TTN: variants seen among roughly 807,000 people sequenced by gnomAD.
TTN encodes connectin.
A neutral mutation model predicts 3,223.0 loss-of-function variants in TTN; 1,525 were observed. The ratio of observed to expected loss-of-function variants is 0.47; its 90% CI spans 0.45 to 0.49. The LOEUF (loss-of-function observed/expected upper bound fraction) is 0.49, where lower values mean the gene tolerates loss of function less well. Among genes scored for constraint, TTN ranks in the 20% least tolerant of loss-of-function variants. The probability of loss-of-function intolerance (pLI) is 0.00; values close to 1 mark genes in which losing one functional copy is unlikely to be tolerated. For synonymous variants in TTN, 14,094 were observed against 15,161.0 expected, an observed-to-expected ratio of 0.93 and a Z score of 5.17; for missense variants, 40,786 against 43,424.0, an observed-to-expected ratio of 0.94 and a Z score of 5.40.
Position 178,539,633 on chromosome 2 carries a change from C to A in TTN, c.98432G>T (p.Arg32811Leu). The change falls in exon 352 of 363, where the codon CGC becomes CTC. Residue 32811 changes from arginine (R) to leucine (L), a missense_variant. Arg to Leu is a moderately radical substitution (Grantham distance 102, BLOSUM62 -2). Transcript: ENST00000589042. ...AGGTCTCCAGCTGACCCTCACAGAG[C>A]GGACTTGGATGTCATCATATTCCAG... ...GPLEYDDIQV[R>L]SVRVSWRPPA... The A allele has an allele frequency of 1.2e-6, 2 of 1,613,720 alleles. No individual in the cohort carries two copies. The highest frequency in any genetic ancestry group is 2.2e-5 in the South Asian group (2 of 91,080).
At position 178,621,963 on chromosome 2, in the gene TTN, AT is replaced by A; in HGVS notation, c.44958del (p.Lys14986AsnfsTer30). 1 of 1,611,116 alleles carries A rather than the reference AT, an allele frequency of 6.2e-7. No homozygotes were observed. Among genetic ancestry groups the A allele is most frequent in the Non-Finnish European group, 8.5e-7 (1 of 1,178,506 alleles). On this transcript the variant is annotated frameshift_variant, in exon 244 of 363. Coordinates refer to ENST00000589042, the MANE Select transcript of TTN (RefSeq NM_001267550.2). LOFTEE classifies it high-confidence loss of function. ...KDGAEIKKGK[K>X]YDIISKGAVR... ...ACTGCTCCCTTGGATATGATGTCATATTTTTTGCCCTTTTTAATTTCAGCAC... is the reference window on the plus strand; with the variant it reads ...ACTGCTCCCTTGGATATGATGTCATATTTTTGCCCTTTTTAATTTCAGCAC...
rs764850788 is a variant in TTN at position 178,636,148 on chromosome 2, C to T, written c.41423G>A (p.Arg13808His). The change falls in exon 226 of 363, where the codon CGT (arginine) becomes CAT (histidine). Residue 13808 changes from arginine (R) to histidine (H), a missense_variant. By Grantham distance (29) the Arg-to-His change is conservative. Coordinates refer to ENST00000589042, the MANE Select transcript of TTN (RefSeq NM_001267550.2). The surrounding 1 kb of genome is among the most constrained non-coding windows in gnomAD (Gnocchi z 4.3). ...GCCATCCTTCCTCCAGACCACGTCA[C>T]GCTCTTTGTTTAACTCGCAGCTCAA... ...LYLSCELNKE[R>H]DVVWRKDGKI... The T allele has an allele frequency of 5.6e-6, 9 of 1,612,964 alleles. No individual in the cohort carries two copies. Among genetic ancestry groups the T allele is most frequent in the East Asian group, 4.5e-5 (2 of 44,636 alleles).
At position 178,543,083 on chromosome 2, in the gene TTN, A is replaced by G; in HGVS notation, c.96890T>C (p.Val32297Ala). 6.3e-7 allele frequency: 1 copy of G among 1,583,400 alleles called. No homozygotes were observed. Among genetic ancestry groups the G allele is most frequent in the South Asian group, 1.1e-5 (1 of 88,530 alleles). ...TTGGTACATACCTCTGAGGTCTTGTACAGTCACGGCTGTGACAGTCTCTCT... is the reference window on the plus strand; with the variant it reads ...TTGGTACATACCTCTGAGGTCTTGTGCAGTCACGGCTGTGACAGTCTCTCT... ...EPRETVTAVT[V>A]QDLRVLPTID... The change falls in exon 347 of 363, where the codon GTA becomes GCA. Residue 32297 changes from valine (V) to alanine (A), a missense_variant. By Grantham distance (64) the Val-to-Ala change is moderately conservative. Transcript: ENST00000589042.
chr2:178,531,320 A>T lies in TTN; in HGVS notation c.105295T>A (p.Ser35099Thr), dbSNP rs1311764657. ...GCACTTTTCATTTCTGCAGATGCAG[A>T]GTGTTCATATGAGGAGAGACTTTCC... ...TRESLSSYEH[S>T]ASAEMKSAAL... The change falls in exon 358 of 363, where the codon TCT becomes ACT. Residue 35099 changes from serine to threonine, a missense_variant. By Grantham distance (58) the Ser-to-Thr change is moderately conservative (BLOSUM62 1). Transcript: ENST00000589042. 6.2e-7 allele frequency: 1 copy of T among 1,613,950 alleles called. No homozygotes were observed. Among genetic ancestry groups the T allele is most frequent in the African/African-American group, 1.3e-5 (1 of 75,016 alleles).
rs2092602387 is a variant in TTN, at chr2:178,779,780, C to A, written c.3729+220G>T. 1.1e-5 allele frequency: 6 copies of A among 566,724 alleles called. No homozygotes were observed. In the South Asian group the frequency reaches 1.3e-4, roughly 12 times the overall value. 35.1% of individuals were successfully genotyped at this position (566,724 alleles called of 1,614,324 possible). Reference sequence around the variant, plus strand: ...GGTGTTTTCCTTAATATATTATAAGCCCTATTTTTAAAGTCACATTTATGG... The same window carrying A: ...GGTGTTTTCCTTAATATATTATAAGACCTATTTTTAAAGTCACATTTATGG... On this transcript the variant is annotated intron_variant, in intron 22 of 362. Coordinates refer to ENST00000589042, the MANE Select transcript of TTN (RefSeq NM_001267550.2).
chr2:178,672,423 A>G lies in TTN; in HGVS notation c.34914T>C (p.Ala11638=). 1 of 1,601,562 alleles carries G rather than the reference A, an allele frequency of 6.2e-7. No homozygotes were observed. The highest frequency in any genetic ancestry group is 8.5e-7 in the Non-Finnish European group (1 of 1,176,610). ...EKKVLVPKKE[A]VPPAKGRTVL... ...CAAAAATACCTTTAGCTGGGGGAAC[A>G]GCTTCCTTTTTAGGCACAAGGACTT... The change falls in exon 154 of 363, where the codon GCT becomes GCC. Residue 11638 remains alanine (A), a synonymous_variant. Transcript: ENST00000589042.
In TTN at chr2:178,721,069, A is replaced by G. The variant is rs1044130083; in HGVS notation, c.22950T>C (p.His7650=). The G allele has an allele frequency of 6.2e-7, 1 of 1,613,276 alleles. No homozygotes were observed. The highest frequency in any genetic ancestry group is 1.3e-5 in the African/African-American group (1 of 75,022). The change falls in exon 79 of 363, where the codon CAT becomes CAC. Residue 7650 remains histidine (H), a synonymous_variant. Coordinates refer to ENST00000589042, the MANE Select transcript of TTN (RefSeq NM_001267550.2). ...ATGACATGTTGTATTTCCAACTTTC[A>G]TGAAGTTCGCTGTCATTTCGGAACC... is the stretch of plus-strand genomic sequence containing the variant. ...VSWFRNDSEL[H]ESWKYNMSFI... is the part of the protein sequence containing the mutation.
intron 121 of TTN, among the ~76,000 whole-genome samples, 192 bp from the exon 122 acceptor site, chr2:178,690,088 G>T (rs1266199222): frequency 6.6e-6 from 1 of 152,102 alleles, no homozygotes; most frequent in African/African-American, 2.4e-5. Flanking sequence ...CACAAATAAT[G>T]TTTTAGAGGC....
At position 178,568,942 on chromosome 2, in the gene TTN, G is replaced by T. The variant is rs2154167385; in HGVS notation, c.77190C>A (p.Ile25730=). 6.2e-7 allele frequency: 1 copy of T among 1,613,388 alleles called. No homozygotes were observed. The highest frequency in any genetic ancestry group is 8.5e-7 in the Non-Finnish European group (1 of 1,179,578). Residue 25730 remains isoleucine, a synonymous_variant, in exon 326 of 363, where the codon ATC becomes ATA. Coordinates refer to ENST00000589042, the MANE Select transcript of TTN (RefSeq NM_001267550.2). ...TKPEHDGGSK[I]IQYIVEMQAK... is the part of the protein sequence containing the mutation. ...CTTGCATTTCCACAATATACTGAATGATTTTACTGCCACCATCATGTTCAG... is the reference window on the plus strand; with the variant it reads ...CTTGCATTTCCACAATATACTGAATTATTTTACTGCCACCATCATGTTCAG...
At position 178,559,898 on chromosome 2, in the gene TTN, G is replaced by A. The variant is rs377367951; in HGVS notation, c.86234C>T (p.Ala28745Val). The change falls in exon 326 of 363, where the codon GCA (alanine) becomes GTA (valine). Residue 28745 changes from alanine to valine, a missense_variant. Ala to Val is a moderately conservative substitution (Grantham distance 64). Transcript: ENST00000589042. ...TAAAGGTTCTTCTTCTCTTTCCTTT[G>A]CTATCTGAGGGTCAGAGCTATCACT... ...DPSDSSDPQI[A>V]KEREEEPLFD... 9.9e-6 allele frequency: 16 copies of A among 1,613,374 alleles called. No individual in the cohort carries two copies. Among genetic ancestry groups the A allele is most frequent in the Non-Finnish European group, 1.4e-5 (16 of 1,179,730 alleles).
At chr2:178,692,150 G>T in intron 120 of TTN, 51 bp from the exon 121 acceptor site, 1 of 1,506,360 alleles carries the variant, frequency 6.6e-7, no homozygotes, top group South Asian at 1.1e-5. Flanking sequence ...GTCACCTTCT[G>T]AGACATCTAA....
intron 132 of TTN, 105 bp from the exon 133 acceptor site, chr2:178,684,187 T>C (rs2070193347): frequency 7.1e-7 from 1 of 1,404,676 alleles, no homozygotes; most frequent in South Asian, 1.3e-5. Context: ...ATTTTCATTA[T>C]TTCAAACATA....
intron 216 of TTN, 74 bp from the exon 217 acceptor site, chr2:178,646,104 T>TTTTATATA (rs1188641505): frequency 0.011 from 400 of 37,984 alleles, 20 homozygotes; most frequent in South Asian, 0.033. Flanking sequence ...TTAATAGAAA[T>TTTTATATA]TATATATATA....
intron 159 of TTN, among the ~76,000 whole-genome samples, chr2:178,669,060 A>C (rs1224933067): frequency 1.3e-5 from 2 of 152,160 alleles, no homozygotes; most frequent in Non-Finnish European, 2.9e-5. Flanking sequence ...AAGTTACTTC[A>C]TGATCTGAGA....
Position 178,554,700 on chromosome 2 carries a change from C to T in TTN, c.88647G>A (p.Glu29549=), listed in dbSNP as rs758449835. 6.2e-7 allele frequency: 1 copy of T among 1,613,866 alleles called. No homozygotes were observed. The highest frequency in any genetic ancestry group is 8.5e-7 in the Non-Finnish European group (1 of 1,179,848). The change falls in exon 332 of 363, where the codon GAG becomes GAA. Residue 29549 remains glutamate (E), a synonymous_variant. Transcript: ENST00000589042. ...GAGGCCGCCAGAGAAGGGTGATCTTCTCAGCAGTTACAGTCTTAAATTCAA... is the reference window on the plus strand; with the variant it reads ...GAGGCCGCCAGAGAAGGGTGATCTTTTCAGCAGTTACAGTCTTAAATTCAA... ...GPIEFKTVTA[E]KITLLWRPPA... is the part of the protein sequence containing the mutation.
rs1339514159 is a variant in TTN at position 178,723,050 on chromosome 2, T to C, written c.21957A>G (p.Thr7319=). 1 of 1,613,278 alleles carries C rather than the reference T, an allele frequency of 6.2e-7. No homozygotes were observed. Among genetic ancestry groups the C allele is most frequent in the South Asian group, 1.1e-5 (1 of 91,018 alleles). Residue 7319 remains threonine (T), a synonymous_variant, in exon 75 of 363, where the codon ACA becomes ACG. Coordinates refer to ENST00000589042, the MANE Select transcript of TTN (RefSeq NM_001267550.2). ...GRDVCGALVS[T]LEPPYFVTEL... is the part of the protein sequence containing the mutation. ...AGAGACAATAAGACAACACACCTAA[T>C]GTAGATACCAGAGCTCCACAAACAT...
In TTN at chr2:178,742,056, T is replaced by C. The variant is rs2082586929; in HGVS notation, c.11312-135A>G. 2.4e-5 allele frequency: 18 copies of C among 740,504 alleles called. 1 individual carries two copies. In the South Asian group the frequency reaches 8.8e-4, roughly 36 times the overall value. The allele number at this position is 740,504 out of a possible 1,614,324, so 45.9% of individuals were successfully genotyped here. On this transcript the variant is annotated intron_variant, in intron 47 of 362. Transcript: ENST00000589042. ...AATGATTAGATTATTCCAAGATTAA[T>C]GTATCAAAAAGCACATTTCTAAATT...
chr2:178,565,038 T>C lies in TTN; in HGVS notation c.81094A>G (p.Ile27032Val), dbSNP rs369908251. 43 of 1,613,552 alleles carry C rather than the reference T, an allele frequency of 2.7e-5. No individual in the cohort carries two copies. The highest frequency in any genetic ancestry group is 2.4e-4 in the African/African-American group (18 of 74,918). ...MVSATVARTTIKITKLKTGTE... is the reference protein window; with the variant it reads ...MVSATVARTTVKITKLKTGTE... The stretch of plus-strand genomic sequence containing the variant: ...CCTGTTTTCAGTTTGGTTATTTTAA[T>C]TGTTGTTCTTGCAACTGTTGCTGAT... The change falls in exon 326 of 363, where the codon ATT (isoleucine) becomes GTT (valine). Residue 27032 changes from isoleucine to valine, a missense_variant. Transcript: ENST00000589042.
chr2:178,590,076 G>C lies in TTN; in HGVS notation c.61649C>G (p.Ser20550Ter). 6.2e-7 allele frequency: 1 copy of C among 1,613,202 alleles called. No homozygotes were observed. Among genetic ancestry groups the C allele is most frequent in the South Asian group, 1.1e-5 (1 of 91,050 alleles). The part of the protein sequence containing the change: ...VRADHGKYII[S>*]AKNSSGHAQG... ...GGCATGTCCACTGCTGTTCTTAGCTGAGATGATATACTTGCCATGATCAGC... is the reference window on the plus strand; with the variant it reads ...GGCATGTCCACTGCTGTTCTTAGCTCAGATGATATACTTGCCATGATCAGC... Residue 20550 changes from serine to a stop codon, truncating the protein, a stop_gained, in exon 304 of 363, where the codon TCA becomes TGA. Transcript: ENST00000589042. LOFTEE classifies it high-confidence loss of function.
Sources: allele counts gnomAD v4.1 joint callset (sites outside exome capture counted in the v4.1 genomes callset), GRCh38; gene constraint gnomAD v4.1.1; non-coding constraint Gnocchi (gnomAD v3.1); transcripts MANE v1.5; gene names NCBI Gene and HGNC (gene_info 2026-07-23, HGNC 2026-07-21).